Variants in RANBP9 observed in about 807,000 individuals in gnomAD.
The protein encoded by RANBP9 is ran-binding protein 9.
Under a neutral mutation model 84.3 loss-of-function variants are expected in RANBP9, and 15 were observed. The ratio of observed to expected loss-of-function variants is 0.18; its 90% CI spans 0.12 to 0.27. The LOEUF is 0.27. Among genes scored for constraint, RANBP9 ranks in the 10% least tolerant of loss-of-function variants. RANBP9 has a pLI of 1.00. For synonymous variants in RANBP9, 392 were observed against 349.6 expected, an observed-to-expected ratio of 1.12 and a Z score of -1.35; for missense variants, 809 against 912.8, an observed-to-expected ratio of 0.89 and a Z score of 1.46.
At chr6:13,677,709 A>C (rs1225936235) in intron 2 of RANBP9, among the ~76,000 whole-genome samples, 2 of 152,180 alleles carry the variant, frequency 1.3e-5, no homozygotes, top group East Asian at 3.8e-4. Flanking sequence ...TTTCTCATGT[A>C]AAAGAACAAA....
chr6:13,695,574 T>C (rs183781866), intron 2 of RANBP9, among the ~76,000 whole-genome samples: 3 of 152,186 alleles, frequency 2.0e-5, no homozygotes, highest in Admixed American at 1.3e-4. Flanking sequence ...CAGCCAAATA[T>C]GAGGTCAAGT....
intron 8 of RANBP9, 21 bp downstream of exon 8, chr6:13,641,178 C>T: frequency 7.7e-7 from 1 of 1,306,446 alleles, no homozygotes; most frequent in Non-Finnish European, 1.1e-6. Context: ...ACAAATATAG[C>T]ATTTTATTAT....
chr6:13,708,504 T>C lies in RANBP9; in HGVS notation c.571+2431A>G, dbSNP rs146814813. On this transcript the variant is annotated intron_variant, in intron 1 of 13. Coordinates refer to ENST00000011619, the MANE Select transcript of RANBP9 (RefSeq NM_005493.3). The stretch of plus-strand genomic sequence containing the variant: ...AGCAAAAGAAAGCAAAATACTTCTA[T>C]TTCAAAGATAAGGAAAATTCTCGTC... Among the ~76,000 whole-genome samples the C allele has an allele frequency of 1.7e-3, 255 of 152,160 alleles. 1 individual carries two copies. The highest frequency in any genetic ancestry group is 5.9e-3 in the African/African-American group (243 of 41,516).
chr6:13,706,662 C>A (rs1185115667), intron 1 of RANBP9, among the ~76,000 whole-genome samples: 11 of 150,256 alleles, frequency 7.3e-5, no homozygotes. Context: ...CACTGTACTC[C>A]AGCCTGACAA....
chr6:13,657,076 G>A (rs1284114817), intron 4 of RANBP9, 33 bp downstream of exon 4: 1 of 1,524,104 alleles, frequency 6.6e-7, no homozygotes, highest in South Asian at 1.2e-5. Flanking sequence ...CTCCATATTT[G>A]GTTATTTTGC....
intron 1 of RANBP9, among the ~76,000 whole-genome samples, chr6:13,703,206 T>C (rs1347798555): frequency 2.6e-5 from 4 of 152,216 alleles, no homozygotes; most frequent in Non-Finnish European, 5.9e-5. Flanking sequence ...ACCAATCTCC[T>C]TGATGTCTGG....
chr6:13,641,435 C>CT (rs1765060396), intron 7 of RANBP9, 128 bp from the exon 8 acceptor site: 3 of 606,284 alleles, frequency 4.9e-6, no homozygotes, highest in Non-Finnish European at 8.4e-6. Flanking sequence ...ATTTCTTTCT[C>CT]TAACATCATA....
At chr6:13,662,769 T>A (rs1765561145) in intron 2 of RANBP9, among the ~76,000 whole-genome samples, 1 of 152,216 alleles carries the variant, frequency 6.6e-6, no homozygotes, top group Non-Finnish European at 1.5e-5. Flanking sequence ...TAAGGTGTTT[T>A]GTTACTGCAG....
rs181293217 is a variant in RANBP9, at chr6:13,632,038, T to A, written c.1947+332A>T. Among the ~76,000 whole-genome samples, 374 of 151,312 alleles carry A rather than the reference T, an allele frequency of 2.5e-3. 3 individuals are homozygous for A. The highest frequency in any genetic ancestry group is 8.3e-3 in the African/African-American group (344 of 41,278). On this transcript the variant is annotated intron_variant, in intron 12 of 13. Coordinates refer to ENST00000011619, the MANE Select transcript of RANBP9 (RefSeq NM_005493.3). Reference sequence around the variant, plus strand: ...CATTGCTCCTAGTAACTGCTGATTTTACAGCTGAGAAAATAAAACTAAGAA... The same window carrying A: ...CATTGCTCCTAGTAACTGCTGATTTAACAGCTGAGAAAATAAAACTAAGAA...
At chr6:13,658,898 A>C in intron 2 of RANBP9, 66 bp from the exon 3 acceptor site, 1 of 1,416,534 alleles carries the variant, frequency 7.1e-7, no homozygotes, top group Non-Finnish European at 1.0e-6. Flanking sequence ...ATAAATTACC[A>C]AACAGTCTCA....
intron 10 of RANBP9, among the ~76,000 whole-genome samples, chr6:13,634,787 T>G (rs1308529853): frequency 6.6e-6 from 1 of 152,228 alleles, no homozygotes; most frequent in South Asian, 2.1e-4. Context: ...TATGCTAAAA[T>G]GTAGTGGTTT....
At chr6:13,630,533 A>G (rs1764749062) in intron 12 of RANBP9, among the ~76,000 whole-genome samples, 1 of 151,836 alleles carries the variant, frequency 6.6e-6, no homozygotes, top group Non-Finnish European at 1.5e-5. Flanking sequence ...AAAAAAAAAA[A>G]TTCTTTATTT....
intron 2 of RANBP9, among the ~76,000 whole-genome samples, chr6:13,693,902 G>C (rs1478259780): frequency 1.3e-5 from 2 of 152,162 alleles, no homozygotes; most frequent in African/African-American, 2.4e-5. Flanking sequence ...AATTAGCCAG[G>C]TGTGGTGGTG....
chr6:13,658,838 G>T lies in RANBP9; in HGVS notation c.684-6C>A. 1 of 1,563,970 alleles carries T rather than the reference G, an allele frequency of 6.4e-7. No individual in the cohort carries two copies. The highest frequency in any genetic ancestry group is 8.8e-7 in the Non-Finnish European group (1 of 1,134,852). On this transcript the variant is annotated splice_polypyrimidine_tract_variant and splice_region_variant and intron_variant, in intron 2 of 13. Coordinates refer to ENST00000011619, the MANE Select transcript of RANBP9 (RefSeq NM_005493.3). The stretch of plus-strand genomic sequence containing the variant: ...AAAGACCAATTCCCATGTAACTGTT[G>T]GCGGAGGTTGGGGGAGAGAAGAAAA...
chr6:13,710,366 G>A (rs548700954), intron 1 of RANBP9, among the ~76,000 whole-genome samples: 2 of 152,154 alleles, frequency 1.3e-5, no homozygotes, highest in South Asian at 4.1e-4. Flanking sequence ...TACCCTCCCG[G>A]TTGCTTTTAC....
At chr6:13,694,045 G>GA (rs1766385723) in intron 2 of RANBP9, among the ~76,000 whole-genome samples, 2 of 151,806 alleles carry the variant, frequency 1.3e-5, no homozygotes, top group South Asian at 2.1e-4. Context: ...TCTGGCTCAG[G>GA]AAAAAAACAA....
intron 1 of RANBP9, among the ~76,000 whole-genome samples, chr6:13,700,850 G>A (rs1757950889): frequency 6.6e-6 from 1 of 152,114 alleles, no homozygotes; most frequent in Admixed American, 6.6e-5. Flanking sequence ...GTAGTGTTCT[G>A]ATTAATGCCT....
intron 1 of RANBP9, among the ~76,000 whole-genome samples, chr6:13,700,589 G>A (rs1267951641): frequency 6.6e-6 from 1 of 152,034 alleles, no homozygotes; most frequent in African/African-American, 2.4e-5. Flanking sequence ...CTTTTTACAA[G>A]CCCTCATAGC....
At chr6:13,694,278 A>C (rs1220481530) in intron 2 of RANBP9, among the ~76,000 whole-genome samples, 1 of 152,218 alleles carries the variant, frequency 6.6e-6, no homozygotes, top group Non-Finnish European at 1.5e-5. Context: ...TCAACTGGGG[A>C]GTGGGTAAGC....
Sources: allele counts gnomAD v4.1 joint callset (sites outside exome capture counted in the v4.1 genomes callset), GRCh38; gene constraint gnomAD v4.1.1; transcripts MANE v1.5; gene names NCBI Gene and HGNC (gene_info 2026-07-23, HGNC 2026-07-21).